The following LTBP1 variants were observed in gnomAD, a reference collection of about 807,000 sequenced individuals.
LTBP1 encodes the protein latent-transforming growth factor beta-binding protein 1.
Under a neutral mutation model 207.6 loss-of-function variants are expected in LTBP1, and 129 were observed. The ratio of observed to expected loss-of-function variants is 0.62; its 90% CI spans 0.54 to 0.72. LTBP1 has a LOEUF of 0.72. Among genes scored for constraint, LTBP1 ranks in the 30% least tolerant of loss-of-function variants. The pLI is 0.00. For missense variants in LTBP1, 2,281 were observed against 2,217.2 expected (o/e 1.03, Z -0.58); for synonymous variants, 963 against 833.7 (o/e 1.16, Z -2.67).
In LTBP1 at chr2:33,331,358, A is replaced by G. The variant is rs184202541; in HGVS notation, c.3731-11480A>G. ...TTCTAATATTTGTATTTATAGGTAT[A>G]TATTTCTTTCTAAGAATGGCTTTAT... is the stretch of plus-strand genomic sequence containing the variant. On this transcript the variant is annotated intron_variant, in intron 24 of 33. Transcript: ENST00000404816. Among the ~76,000 whole-genome samples the G allele has an allele frequency of 1.2e-4, 19 of 152,088 alleles. 1 individual carries two copies. In the East Asian group the frequency reaches 3.7e-3, roughly 29 times the overall value.
At position 33,217,555 on chromosome 2, in the gene LTBP1, G is replaced by A. The variant is rs1573241741; in HGVS notation, c.1705G>A (p.Gly569Ser). 1 of 1,612,810 alleles carries A rather than the reference G, an allele frequency of 6.2e-7. No individual in the cohort carries two copies. The highest frequency in any genetic ancestry group is 1.3e-5 in the African/African-American group (1 of 75,018). The change falls in exon 8 of 34, where the codon GGC (glycine) becomes AGC (serine). Residue 569 changes from glycine to serine, a missense_variant. This residue lies in a region of LTBP1 where 1,671 missense variants were observed against 1,634.8 expected (regional missense o/e 1.02). Transcript: ENST00000404816. The part of the protein sequence containing the change: ...CFQETIGSQC[G>S]KALPGLSKQE... ...ATTTCACACCTAATCATTGCAGTGT[G>A]GCAAAGCGCTCCCTGGCCTTTCAAA... is the stretch of plus-strand genomic sequence containing the variant.
intron 3 of LTBP1, among the ~76,000 whole-genome samples, chr2:33,058,573 A>G (rs1044411574): frequency 2.6e-5 from 4 of 152,230 alleles, no homozygotes; most frequent in African/African-American, 9.6e-5. Flanking sequence ...TCACCAATTT[A>G]TAATGATAAA....
At chr2:33,322,205 G>T (rs763524879) in intron 24 of LTBP1, among the ~76,000 whole-genome samples, 4 of 151,606 alleles carry the variant, frequency 2.6e-5, no homozygotes, top group Non-Finnish European at 4.4e-5. Flanking sequence ...CATAGAAGGA[G>T]AAGTAAACAC....
chr2:33,219,099 TA>T (rs1316368532), intron 8 of LTBP1, among the ~76,000 whole-genome samples: 1 of 152,224 alleles, frequency 6.6e-6, no homozygotes, highest in Non-Finnish European at 1.5e-5. Context: ...TCTAAATGCC[TA>T]AAGCAAGTAA....
chr2:33,144,191 G>T (rs2082843425), intron 5 of LTBP1, among the ~76,000 whole-genome samples: 1 of 151,992 alleles, frequency 6.6e-6, no homozygotes, highest in Admixed American at 6.6e-5. Flanking sequence ...TTTATTTACT[G>T]ATCCTAACAG....
chr2:33,054,815 C>T (rs1227394215), intron 3 of LTBP1, among the ~76,000 whole-genome samples: 4 of 152,132 alleles, frequency 2.6e-5, no homozygotes, highest in Non-Finnish European at 5.9e-5. Context: ...GGTGTTTGCC[C>T]CAGGCACCCT....
At chr2:33,334,477 G>C (rs1304204511) in intron 24 of LTBP1, among the ~76,000 whole-genome samples, 2 of 152,210 alleles carry the variant, frequency 1.3e-5, no homozygotes, top group African/African-American at 4.8e-5. Flanking sequence ...GCAGGAATTC[G>C]AGTGAAAGAT....
intron 4 of LTBP1, among the ~76,000 whole-genome samples, chr2:33,111,324 A>T (rs2080385411): frequency 6.6e-6 from 1 of 152,122 alleles, no homozygotes; most frequent in Non-Finnish European, 1.5e-5. Context: ...AGGGTGGGGA[A>T]TGTGATGATT....
At chr2:33,039,772 T>C (rs1558548735) in intron 3 of LTBP1, among the ~76,000 whole-genome samples, 1 of 151,978 alleles carries the variant, frequency 6.6e-6, no homozygotes, top group African/African-American at 2.4e-5. Flanking sequence ...GGAATCTGAG[T>C]TGGAATTTGA....
At chr2:33,114,522 C>T (rs1388424443) in intron 4 of LTBP1, among the ~76,000 whole-genome samples, 1 of 152,134 alleles carries the variant, frequency 6.6e-6, no homozygotes, top group Non-Finnish European at 1.5e-5. Flanking sequence ...GCCCAAGAGG[C>T]CCTGCTTCTA....
intron 9 of LTBP1, among the ~76,000 whole-genome samples, chr2:33,225,569 C>T (rs774175266): frequency 6.6e-6 from 1 of 152,144 alleles, no homozygotes; most frequent in Non-Finnish European, 1.5e-5. Context: ...TTACTCACTA[C>T]CACAAGAACA....
intron 3 of LTBP1, among the ~76,000 whole-genome samples, chr2:33,059,668 C>T (rs1222083601): frequency 1.3e-5 from 2 of 152,196 alleles, no homozygotes; most frequent in Middle Eastern, 3.2e-3. Context: ...CAGATACATA[C>T]ATGTTCAAAT....
At chr2:33,346,521 T>C (rs2149745202) in intron 25 of LTBP1, among the ~76,000 whole-genome samples, 1 of 151,812 alleles carries the variant, frequency 6.6e-6, no homozygotes, top group South Asian at 2.1e-4. Context: ...CTGTCTCTAC[T>C]AAAAATACAA....
chr2:33,300,558 A>G lies in LTBP1; in HGVS notation c.3343A>G (p.Lys1115Glu), dbSNP rs1444673703. 6.2e-6 allele frequency: 10 copies of G among 1,613,328 alleles called. No individual in the cohort carries two copies. Among genetic ancestry groups the G allele is most frequent in the African/African-American group, 1.3e-5 (1 of 74,924 alleles). The change falls in exon 21 of 34, where the codon AAA becomes GAA. Residue 1115 changes from lysine to glutamate, a missense_variant. Physicochemically the swap from Lys to Glu is moderately conservative, Grantham distance 56 (BLOSUM62 1). Around this residue, in one of 3 missense-constraint regions of LTBP1, gnomAD observed 1,671 missense variants for 1,634.8 expected, o/e 1.02. Transcript: ENST00000404816. ...CGQGYQLSAAKDQCEDIDECQ... is the reference protein window; with the variant it reads ...CGQGYQLSAAEDQCEDIDECQ... ...ACAGGGGTACCAGCTGTCGGCAGCT[A>G]AAGACCAGTGTGAAGGTAAGAGGGT...
chr2:33,383,634 A>G (rs1308909057), intron 31 of LTBP1, among the ~76,000 whole-genome samples: 1 of 152,000 alleles, frequency 6.6e-6, no homozygotes, highest in African/African-American at 2.4e-5. Context: ...ATCACAGCTC[A>G]CTGCAGCCTG....
chr2:33,307,381 C>T (rs2094115419), intron 22 of LTBP1, among the ~76,000 whole-genome samples: 1 of 152,134 alleles, frequency 6.6e-6, no homozygotes, highest in Admixed American at 6.5e-5. Flanking sequence ...ATGGAAACAA[C>T]CCAAAATGCT....
At chr2:32,948,832 G>A (rs375693267) in intron 1 of LTBP1, 43 bp from the exon 2 acceptor site, 128 of 1,564,120 alleles carry the variant, frequency 8.2e-5, no homozygotes, top group Non-Finnish European at 1.0e-4. Flanking sequence ...CTTGGGAAGG[G>A]GGTCTTTCTG....
At chr2:33,295,293 A>G (rs1485005400) in intron 20 of LTBP1, among the ~76,000 whole-genome samples, 1 of 152,120 alleles carries the variant, frequency 6.6e-6, no homozygotes, top group Non-Finnish European at 1.5e-5. Flanking sequence ...TGGGAGGCCC[A>G]AGGCAGATGG....
intron 5 of LTBP1, among the ~76,000 whole-genome samples, chr2:33,168,494 A>G (rs919449574): frequency 2.0e-5 from 3 of 152,166 alleles, no homozygotes; most frequent in African/African-American, 7.2e-5. Flanking sequence ...TATAAAAATG[A>G]AACTTGTGAT....
Sources: allele counts gnomAD v4.1 joint callset (sites outside exome capture counted in the v4.1 genomes callset), GRCh38; gene constraint gnomAD v4.1.1; regional missense constraint gnomAD v4.1.1; transcripts MANE v1.5; gene names NCBI Gene and HGNC (gene_info 2026-07-23, HGNC 2026-07-21).